Variants in COMMD1 observed in about 807,000 individuals in gnomAD.
COMMD1 encodes COMM domain-containing protein 1.
Under a neutral mutation model 17.2 loss-of-function variants are expected in COMMD1, and 10 were observed. That is an observed-to-expected ratio of 0.58 (90% CI 0.36 to 0.99). The LOEUF is 0.99. Ranked by LOEUF, COMMD1 falls within the 50% of genes least tolerant of loss-of-function variation. COMMD1 has a pLI of 0.01. For synonymous variants in COMMD1, 97 were observed against 91.6 expected (o/e 1.06, Z -0.34); for missense variants, 270 against 231.8 (o/e 1.17, Z -1.07).
intron 1 of COMMD1, among the ~76,000 whole-genome samples, chr2:61,931,988 C>T (rs1197700536): frequency 1.3e-5 from 2 of 152,096 alleles, no homozygotes; most frequent in African/African-American, 4.8e-5. Flanking sequence ...TGAAAGACTC[C>T]ATGGTCTTTG....
intron 1 of COMMD1, among the ~76,000 whole-genome samples, chr2:61,964,717 A>C (rs1229235625): frequency 1.8e-4 from 28 of 152,132 alleles, no homozygotes; most frequent in Non-Finnish European, 5.9e-5. Flanking sequence ...GTTTGTGATA[A>C]AGAATTGAGG....
chr2:62,090,823 A>G (rs1671804978), intron 2 of COMMD1: 1 of 152,196 alleles, frequency 6.6e-6, no homozygotes, highest in African/African-American at 2.4e-5. Flanking sequence ...ATGGGATGCC[A>G]TGTGTTATTA....
At chr2:62,024,846 C>T (rs1015695474) in intron 2 of COMMD1, among the ~76,000 whole-genome samples, 1 of 152,152 alleles carries the variant, frequency 6.6e-6, no homozygotes, top group African/African-American at 2.4e-5. Context: ...AGGTAGTTTA[C>T]AAGAAGCAGT....
intron 2 of COMMD1, among the ~76,000 whole-genome samples, chr2:62,019,234 C>T (rs370977496): frequency 7.1e-4 from 107 of 151,228 alleles, no homozygotes; most frequent in South Asian, 4.6e-3. Context: ...AGTGCAATGG[C>T]GCGATCTCAG....
chr2:62,117,265 A>G (rs946908786), intron 2 of COMMD1, among the ~76,000 whole-genome samples: 1 of 152,180 alleles, frequency 6.6e-6, no homozygotes, highest in East Asian at 1.9e-4. Flanking sequence ...GAAATCTACC[A>G]AAATGTATGT....
intron 2 of COMMD1, among the ~76,000 whole-genome samples, chr2:62,052,866 A>G (rs1288323513): frequency 6.6e-6 from 1 of 152,104 alleles, no homozygotes. Context: ...CTTGAGCCCT[A>G]GAGACCAGCC....
chr2:62,073,668 T>C (rs920933004), intron 2 of COMMD1, among the ~76,000 whole-genome samples: 1 of 152,210 alleles, frequency 6.6e-6, no homozygotes. Flanking sequence ...CCCTGAGCCA[T>C]GGTCACTCAA....
chr2:62,094,437 G>A (rs1048777076), intron 2 of COMMD1, among the ~76,000 whole-genome samples: 2 of 152,124 alleles, frequency 1.3e-5, no homozygotes, highest in East Asian at 1.9e-4. Context: ...GGATCTAACC[G>A]TTGACTGAAA....
intron 2 of COMMD1, among the ~76,000 whole-genome samples, chr2:62,035,793 G>GC (rs1269809590): frequency 6.7e-6 from 1 of 149,058 alleles, no homozygotes; most frequent in Non-Finnish European, 1.5e-5. Context: ...GCTCATGCCT[G>GC]TAATTCCAGC....
At chr2:62,005,074 T>C (rs966450410) in intron 2 of COMMD1, among the ~76,000 whole-genome samples, 2 of 152,218 alleles carry the variant, frequency 1.3e-5, no homozygotes, top group African/African-American at 4.8e-5. Flanking sequence ...GCTTTAAACA[T>C]GTTGATGCTC....
intron 2 of COMMD1, among the ~76,000 whole-genome samples, chr2:62,128,598 T>C (rs1672946288): frequency 6.6e-6 from 1 of 152,160 alleles, no homozygotes; most frequent in Admixed American, 6.6e-5. Flanking sequence ...CTCTTCTGCC[T>C]ACCTCCCTCC....
At chr2:62,094,786 C>T (rs1408180780) in intron 2 of COMMD1, among the ~76,000 whole-genome samples, 1 of 152,192 alleles carries the variant, frequency 6.6e-6, no homozygotes, top group East Asian at 1.9e-4. Context: ...AAAAATGATA[C>T]TTAATGTTCA....
chr2:61,974,441 A>C (rs1671736986), intron 1 of COMMD1, among the ~76,000 whole-genome samples: 1 of 152,006 alleles, frequency 6.6e-6, no homozygotes, highest in Non-Finnish European at 1.5e-5. Flanking sequence ...TTGGAGGCTG[A>C]GGCAGGTGGA....
At chr2:61,963,222 TATATAC>T (rs1671412399) in intron 1 of COMMD1, among the ~76,000 whole-genome samples, 4 of 141,016 alleles carry the variant, frequency 2.8e-5, no homozygotes, top group Admixed American at 2.1e-4. Flanking sequence ...CACACACACA[TATATAC>T]ATATATACAC....
At chr2:62,127,331 C>G (rs989380790) in intron 2 of COMMD1, among the ~76,000 whole-genome samples, 9 of 152,140 alleles carry the variant, frequency 5.9e-5, no homozygotes, top group Admixed American at 5.2e-4. Flanking sequence ...AGTGCTATTG[C>G]TGTTAAACTA....
chr2:61,912,838 G>A (rs1189875278), intron 1 of COMMD1, among the ~76,000 whole-genome samples: 5 of 152,140 alleles, frequency 3.3e-5, no homozygotes, highest in Non-Finnish European at 7.3e-5. Flanking sequence ...TTGAATGGCT[G>A]TGATAGAGGT....
In COMMD1 at chr2:61,986,506, A is replaced by G. The variant is rs116422333; in HGVS notation, c.181-14195A>G. Among the ~76,000 whole-genome samples the G allele has an allele frequency of 7.2e-3, 1,065 of 148,446 alleles. 10 individuals are homozygous for G. The highest frequency in any genetic ancestry group is 0.011 in the Non-Finnish European group (759 of 67,646). Reference sequence around the variant, plus strand: ...TCTGTTTACCTTATCTTTAAGGCCAATAACTCTTAGAGAAGCCCTTTTGAG... The same window carrying G: ...TCTGTTTACCTTATCTTTAAGGCCAGTAACTCTTAGAGAAGCCCTTTTGAG... On this transcript the variant is annotated intron_variant, in intron 1 of 2. Transcript: ENST00000311832.
chr2:62,100,070 A>G (rs1164730959), intron 2 of COMMD1: 3 of 152,150 alleles, frequency 2.0e-5, no homozygotes, highest in Admixed American at 1.3e-4. Flanking sequence ...TCTGAAACCA[A>G]AATTAAGATT....
chr2:61,981,776 G>A (rs558000554), intron 1 of COMMD1, among the ~76,000 whole-genome samples: 65 of 152,042 alleles, frequency 4.3e-4, no homozygotes, highest in Non-Finnish European at 7.2e-4. Context: ...GAACAGCATG[G>A]GAAAGACTTG....
Sources: gnomAD v4.1 joint callset for allele counts (sites outside exome capture counted in the v4.1 genomes callset) on GRCh38, gnomAD v4.1.1 for gene constraint, MANE v1.5 for transcripts, NCBI Gene and HGNC (gene_info 2026-07-23, HGNC 2026-07-21) for gene names.